The following ANKH variants were observed in gnomAD, a reference collection of about 807,000 sequenced individuals.
ANKH encodes mineralization regulator ANKH.
Under a neutral mutation model 49.0 loss-of-function variants are expected in ANKH, and 15 were observed. The ratio of observed to expected loss-of-function variants is 0.31; its 90% confidence interval spans 0.20 to 0.47. ANKH has a LOEUF of 0.47. Ranked by LOEUF, ANKH falls within the 20% of genes least tolerant of loss-of-function variation. The pLI is 1.00. For synonymous variants in ANKH, 273 were observed against 260.0 expected (o/e 1.05, Z -0.48); for missense variants, 429 against 652.0 (o/e 0.66, Z 3.72).
At chr5:14,782,317 A>G (rs1739832589) in intron 1 of ANKH, among the ~76,000 whole-genome samples, 1 of 152,120 alleles carries the variant, frequency 6.6e-6, no homozygotes, top group Non-Finnish European at 1.5e-5. Flanking sequence ...CAACACTGTG[A>G]GGGAGATATT....
intron 1 of ANKH, among the ~76,000 whole-genome samples, chr5:14,866,730 A>C (rs1054614288): frequency 1.3e-5 from 2 of 152,200 alleles, no homozygotes; most frequent in Non-Finnish European, 2.9e-5. Context: ...CCCTTGACCA[A>C]AAGCTATGCC....
chr5:14,847,821 G>C (rs1019759345), intron 1 of ANKH, among the ~76,000 whole-genome samples: 4 of 152,218 alleles, frequency 2.6e-5, no homozygotes, highest in African/African-American at 4.8e-5. Flanking sequence ...GACAGGAAAA[G>C]ATTAGAATTT....
intron 1 of ANKH, among the ~76,000 whole-genome samples, chr5:14,840,791 A>C (rs1463907456): frequency 6.6e-6 from 1 of 152,230 alleles, no homozygotes; most frequent in Non-Finnish European, 1.5e-5. Flanking sequence ...CTTCACAGTC[A>C]GTAGGAAAGT....
In ANKH at chr5:14,737,481, C is replaced by T. The variant is rs1036020432; in HGVS notation, c.1011+4346G>A. On this transcript the variant is annotated intron_variant, in intron 8 of 11. Transcript: ENST00000284268. The surrounding 1 kb of genome is among the most constrained non-coding windows in gnomAD (Gnocchi z 5.0). ...GAGTGTCTACCTAGAGAAGCACAGC[C>T]TTTTAGGGCACACTCACTGTCACTG... Among the ~76,000 whole-genome samples, 31 of 152,278 alleles carry T rather than the reference C, an allele frequency of 2.0e-4. No homozygotes were observed. The highest frequency in any genetic ancestry group is 1.9e-4 in the East Asian group (1 of 5,180).
chr5:14,712,999 T>C, intron 10 of ANKH, 26 bp from the exon 11 acceptor site: 3 of 1,602,528 alleles, frequency 1.9e-6, no homozygotes, highest in South Asian at 1.1e-5. Context: ...CAAAGGCAAT[T>C]TGTCTGTTAA....
intron 1 of ANKH, among the ~76,000 whole-genome samples, chr5:14,786,641 C>A (rs1739985125): frequency 6.6e-6 from 1 of 152,112 alleles, no homozygotes; most frequent in Non-Finnish European, 1.5e-5. Flanking sequence ...AGATGGTTGT[C>A]AAATTTTAAA....
At chr5:14,733,872 G>A (rs1738083886) in intron 8 of ANKH, among the ~76,000 whole-genome samples, 3 of 152,258 alleles carry the variant, frequency 2.0e-5, no homozygotes, top group Admixed American at 6.5e-5. Context: ...TGGCGCATGC[G>A]TGTCGGGAGT....
chr5:14,789,726 T>G (rs954208733), intron 1 of ANKH, among the ~76,000 whole-genome samples: 6 of 152,202 alleles, frequency 3.9e-5, no homozygotes, highest in Admixed American at 3.9e-4. Context: ...TCTCTCTCTC[T>G]CTCTCGACAG....
At chr5:14,856,525 A>G (rs1311110218) in intron 1 of ANKH, among the ~76,000 whole-genome samples, 1 of 152,016 alleles carries the variant, frequency 6.6e-6, no homozygotes, top group East Asian at 2.0e-4. Context: ...TTTTCGATCC[A>G]CCATGCCGTG....
chr5:14,869,376 C>T (rs1055904594), intron 1 of ANKH: 4 of 152,230 alleles, frequency 2.6e-5, no homozygotes, highest in African/African-American at 9.6e-5. Flanking sequence ...TTCTTCTCCC[C>T]ATTTCTCCAC....
intron 1 of ANKH, among the ~76,000 whole-genome samples, chr5:14,805,772 C>A (rs1196625185): frequency 6.6e-6 from 1 of 151,956 alleles, no homozygotes; most frequent in African/African-American, 2.4e-5. Flanking sequence ...GGTTCCAACC[C>A]ACTGCAGAGA....
intron 4 of ANKH, among the ~76,000 whole-genome samples, chr5:14,753,516 A>G (rs1738786133): frequency 6.6e-6 from 1 of 152,194 alleles, no homozygotes; most frequent in African/African-American, 2.4e-5. Flanking sequence ...CTGACCTTGA[A>G]AGGCGAGGGC....
At chr5:14,711,401 G>C in intron 11 of ANKH, 91 bp from the exon 12 acceptor site, 1 of 1,118,508 alleles carries the variant, frequency 8.9e-7, no homozygotes, top group East Asian at 2.4e-5. Context: ...GGGGTCTTGG[G>C]GGACCCCTCA....
At chr5:14,736,919 G>C (rs62344908) in intron 8 of ANKH, among the ~76,000 whole-genome samples, 3 of 152,192 alleles carry the variant, frequency 2.0e-5, no homozygotes, top group East Asian at 1.9e-4. Context: ...CTGAAGCAGA[G>C]GGTCCCCCTC....
At chr5:14,732,850 C>T (rs190382247) in intron 8 of ANKH, among the ~76,000 whole-genome samples, 5 of 152,300 alleles carry the variant, frequency 3.3e-5, no homozygotes, top group Admixed American at 2.0e-4. Context: ...AAGCACCAAG[C>T]TATGTAGCCA....
At chr5:14,865,221 T>C (rs1253456575) in intron 1 of ANKH, among the ~76,000 whole-genome samples, 2 of 151,698 alleles carry the variant, frequency 1.3e-5, no homozygotes, top group Non-Finnish European at 2.9e-5. Context: ...GATCACACCA[T>C]TGCACTCCAG....
chr5:14,814,841 C>G (rs1050322657), intron 1 of ANKH, among the ~76,000 whole-genome samples: 1 of 152,178 alleles, frequency 6.6e-6, no homozygotes, highest in Non-Finnish European at 1.5e-5. Context: ...CTCCCTTCCT[C>G]CTCTCTCTAA....
At chr5:14,805,443 GTGTGTATATATATA>G (rs1186111061) in intron 1 of ANKH, among the ~76,000 whole-genome samples, 1 of 95,960 alleles carries the variant, frequency 1.0e-5, no homozygotes, top group Non-Finnish European at 2.0e-5. Flanking sequence ...ATATATGTGT[GTGTGTATATATATA>G]TGTACACACA....
chr5:14,854,283 G>A (rs1296362701), intron 1 of ANKH, among the ~76,000 whole-genome samples: 1 of 152,094 alleles, frequency 6.6e-6, no homozygotes, highest in African/African-American at 2.4e-5. Context: ...TTCATAACTT[G>A]TATTCTCTCA....
Sources: gnomAD v4.1 joint callset for allele counts (sites outside exome capture counted in the v4.1 genomes callset) on GRCh38, gnomAD v4.1.1 for gene constraint, Gnocchi (gnomAD v3.1) non-coding constraint, MANE v1.5 for transcripts, NCBI Gene and HGNC (gene_info 2026-07-23, HGNC 2026-07-21) for gene names.